BABAM2: variants seen among roughly 807,000 people sequenced by gnomAD.
The protein encoded by BABAM2 is BRISC and BRCA1 A complex member 2.
Under a neutral mutation model 54.7 loss-of-function variants are expected in BABAM2, and 31 were observed. That is an observed-to-expected ratio of 0.57 (90% CI 0.43 to 0.77). BABAM2 has a LOEUF of 0.77. Among genes scored for constraint, BABAM2 ranks in the 30% least tolerant of loss-of-function variants. The pLI is 0.00. For missense variants in BABAM2, 364 were observed against 455.8 expected (o/e 0.80, Z 1.83); for synonymous variants, 167 against 162.9 (o/e 1.03, Z -0.19).
chr2:28,170,376 GTC>G (rs140128674), intron 7 of BABAM2, among the ~76,000 whole-genome samples: 1,561 of 152,116 alleles, frequency 0.01, 26 homozygotes, highest in African/African-American at 0.035. Context: ...TGCAATGAAT[GTC>G]TACTAATTTC....
intron 2 of BABAM2, among the ~76,000 whole-genome samples, chr2:27,895,830 C>T (rs1392884036): frequency 2.0e-5 from 3 of 152,104 alleles, no homozygotes; most frequent in African/African-American, 7.2e-5. Flanking sequence ...AAGAAACACT[C>T]TTCCTTCTCC....
At chr2:28,032,679 G>A (rs1350009785) in intron 5 of BABAM2, among the ~76,000 whole-genome samples, 4 of 151,972 alleles carry the variant, frequency 2.6e-5, no homozygotes, top group Non-Finnish European at 5.9e-5. Flanking sequence ...TAATGTTTAG[G>A]AAACCCCTGT....
chr2:27,955,324 CT>C (rs1390276451), intron 3 of BABAM2, among the ~76,000 whole-genome samples: 1 of 152,220 alleles, frequency 6.6e-6, no homozygotes, highest in Non-Finnish European at 1.5e-5. Flanking sequence ...AGCTGGCATA[CT>C]TTGCTAGGAA....
At chr2:27,892,475 A>T (rs1172886670) in intron 1 of BABAM2, 1 of 152,176 alleles carries the variant, frequency 6.6e-6, no homozygotes, top group Non-Finnish European at 1.5e-5. Context: ...TTTTTATAAG[A>T]TAGGTATATT....
At position 27,995,915 on chromosome 2, in the gene BABAM2, CAGTTTT is replaced by C. The variant is rs1211024484; in HGVS notation, c.300+7830_300+7835del. ...TCTTAATTTTAGAGAATATGTTCTT[CAGTTTT>C]ACAATTCTATTTGATTATTTTCTGT... is the stretch of plus-strand genomic sequence containing the variant. On this transcript the variant is annotated intron_variant, in intron 4 of 11. Coordinates refer to ENST00000379624, the MANE Select transcript of BABAM2 (RefSeq NM_199191.3). The surrounding 1 kb of genome is among the most constrained non-coding windows in gnomAD (Gnocchi z 4.1). Among the ~76,000 whole-genome samples, 1 of 152,128 alleles carries C rather than the reference CAGTTTT, an allele frequency of 6.6e-6. No individual in the cohort carries two copies. Among genetic ancestry groups the C allele is most frequent in the Non-Finnish European group, 1.5e-5 (1 of 68,018 alleles).
intron 6 of BABAM2, among the ~76,000 whole-genome samples, chr2:28,119,344 A>T (rs528100400): frequency 6.6e-6 from 1 of 152,172 alleles, no homozygotes; most frequent in Non-Finnish European, 1.5e-5. Flanking sequence ...AGGAAGCATC[A>T]TTTGCTTCCA....
chr2:28,066,140 C>T (rs1032386195), intron 6 of BABAM2, among the ~76,000 whole-genome samples: 5 of 148,840 alleles, frequency 3.4e-5, no homozygotes, highest in African/African-American at 1.2e-4. Context: ...GCCTAGGCGA[C>T]AGAATGAGAC....
chr2:28,278,087 G>T (rs1686030825), intron 10 of BABAM2, among the ~76,000 whole-genome samples: 1 of 152,184 alleles, frequency 6.6e-6, no homozygotes, highest in Non-Finnish European at 1.5e-5. Context: ...CATAAAATCT[G>T]ATTTTTAGGA....
At chr2:27,985,057 A>ATGTGTGTGTGTGTGTGTGTG (rs35552031) in intron 3 of BABAM2, among the ~76,000 whole-genome samples, 5 of 137,512 alleles carry the variant, frequency 3.6e-5, no homozygotes, top group African/African-American at 1.4e-4. Context: ...GTATTCCATG[A>ATGTGTGTGTGTGTGTGTGTG]TGTGTGTGTG....
intron 10 of BABAM2, among the ~76,000 whole-genome samples, chr2:28,263,399 G>A (rs1423181715): frequency 1.3e-5 from 2 of 152,182 alleles, no homozygotes; most frequent in African/African-American, 4.8e-5. Context: ...AGTAGCTGAA[G>A]GACAGAGCAT....
At chr2:28,213,685 AT>A (rs1368696954) in intron 7 of BABAM2, among the ~76,000 whole-genome samples, 1 of 152,136 alleles carries the variant, frequency 6.6e-6, no homozygotes, top group Non-Finnish European at 1.5e-5. Context: ...AAAAATAGTA[AT>A]AGATATGGAA....
At chr2:28,324,727 C>T (rs1042169788) in intron 11 of BABAM2, among the ~76,000 whole-genome samples, 4 of 152,000 alleles carry the variant, frequency 2.6e-5, no homozygotes, top group Non-Finnish European at 4.4e-5. Context: ...CCTTGGAGGT[C>T]GAGGCTGCAG....
At chr2:28,257,682 A>G (rs538238302) in intron 10 of BABAM2, among the ~76,000 whole-genome samples, 1 of 152,126 alleles carries the variant, frequency 6.6e-6, no homozygotes, top group Non-Finnish European at 1.5e-5. Context: ...CCAGGAGTTC[A>G]AGACCAGCCT....
chr2:28,262,062 C>G (rs1684590068), intron 10 of BABAM2, among the ~76,000 whole-genome samples: 1 of 152,136 alleles, frequency 6.6e-6, no homozygotes, highest in South Asian at 2.1e-4. Flanking sequence ...AAGCGTCACC[C>G]AACACAGTAA....
At chr2:27,889,355 C>T (rs1664650370), upstream of BABAM2, among the ~76,000 whole-genome samples, 1 of 152,176 alleles carries the variant, frequency 6.6e-6, no homozygotes, top group Non-Finnish European at 1.5e-5. Context: ...TGAGGTGTTA[C>T]TGTAGCATAC....
In BABAM2 at chr2:27,998,911, A is replaced by G. The variant is rs149486147; in HGVS notation, c.300+10824A>G. ...ATATATGTATAGCATTGAGTAGAAG[A>G]TAGAGAACCAACCTTTCAAGAGGAC... On this transcript the variant is annotated intron_variant, in intron 4 of 11. Coordinates refer to ENST00000379624, the MANE Select transcript of BABAM2 (RefSeq NM_199191.3). 3.9e-4 allele frequency among the ~76,000 whole-genome samples: 60 copies of G among 152,352 alleles called. 1 individual carries two copies. In the East Asian group the frequency reaches 0.011, roughly 28 times the overall value.
chr2:27,997,278 G>C (rs963484057), intron 4 of BABAM2, among the ~76,000 whole-genome samples: 2 of 146,210 alleles, frequency 1.4e-5, no homozygotes, highest in African/African-American at 2.7e-5. Context: ...GTAATCAAAG[G>C]ATGCATCATC....
Position 28,249,576 on chromosome 2 carries a change from TA to T in BABAM2, c.934+4718del, listed in dbSNP as rs565426262. On this transcript the variant is annotated intron_variant, in intron 10 of 11. Transcript: ENST00000379624. The stretch of plus-strand genomic sequence containing the variant: ...GGTGAAGTACAATGGTATGCATTTT[TA>T]AAACAAATATTTTATGACTTGTCTA... 2.7e-3 allele frequency among the ~76,000 whole-genome samples: 408 copies of T among 152,328 alleles called. 1 individual carries two copies. The highest frequency in any genetic ancestry group is 9.3e-3 in the African/African-American group (387 of 41,558).
intron 10 of BABAM2, among the ~76,000 whole-genome samples, chr2:28,270,997 C>G (rs1182125336): frequency 2.0e-5 from 3 of 152,174 alleles, no homozygotes; most frequent in Non-Finnish European, 4.4e-5. Flanking sequence ...ACATGAGATG[C>G]AGGCACACCG....
Sources: allele counts gnomAD v4.1 joint callset (sites outside exome capture counted in the v4.1 genomes callset), GRCh38; gene constraint gnomAD v4.1.1; non-coding constraint Gnocchi (gnomAD v3.1); transcripts MANE v1.5; gene names NCBI Gene and HGNC (gene_info 2026-07-23, HGNC 2026-07-21).